PDK1: variants seen among roughly 807,000 people sequenced by gnomAD.
PDK1 encodes [Pyruvate dehydrogenase (acetyl-transferring)] kinase isozyme 1, mitochondrial.
A neutral mutation model predicts 54.2 loss-of-function variants in PDK1; 39 were observed. The ratio of observed to expected loss-of-function variants is 0.72; its 90% CI spans 0.56 to 0.94. PDK1 has a LOEUF of 0.94. PDK1 is among the 40% of genes least tolerant of loss of function. The pLI is 0.00. For missense variants in PDK1, 552 were observed against 566.0 expected, an observed-to-expected ratio of 0.98 and a Z score of 0.25; for synonymous variants, 221 against 207.1, an observed-to-expected ratio of 1.07 and a Z score of -0.58.
chr2:172,635,158 A>G, the PDK1 span, among the ~76,000 whole-genome samples: 5 of 152,236 alleles, frequency 3.3e-5, no homozygotes, highest in South Asian at 8.3e-4. Flanking sequence ...GTTTCTATAT[A>G]CTATAGAAGC....
At chr2:172,657,632 T>C in the PDK1 span, among the ~76,000 whole-genome samples, 3 of 152,060 alleles carry the variant, frequency 2.0e-5, no homozygotes, top group African/African-American at 7.2e-5. Flanking sequence ...TTAAAGGCAC[T>C]TGAACAATAG....
chr2:172,562,174 T>G lies in PDK1; in HGVS notation c.339-46T>G, dbSNP rs765702581. The G allele has an allele frequency of 6.7e-6, 7 of 1,052,502 alleles. No individual in the cohort carries two copies. The South Asian group carries it at 8.3e-5, about 12-fold the overall frequency. The allele number at this position is 1,052,502 out of a possible 1,614,324, so 65.2% of individuals were successfully genotyped here. Reference sequence around the variant, plus strand: ...GAGCTAATTTTCATGATATTGAACTTTCAGAATATAAAAGAACAAACTTAT... The same window carrying G: ...GAGCTAATTTTCATGATATTGAACTGTCAGAATATAAAAGAACAAACTTAT... On this transcript the variant is annotated intron_variant, in intron 2 of 10. Coordinates refer to ENST00000282077, the MANE Select transcript of PDK1 (RefSeq NM_002610.5).
the PDK1 span, among the ~76,000 whole-genome samples, chr2:172,690,960 C>T: frequency 0.023 from 3,408 of 149,982 alleles, 155 homozygotes; most frequent in African/African-American, 0.078. Context: ...CAAACCTGCA[C>T]GTTGTGCACA....
In PDK1 at chr2:172,558,784, G is replaced by C. The variant is rs760663658; in HGVS notation, c.273G>C (p.Met91Ile). ...QELPVRLANIMKEISLLPDNL... is the reference protein window; with the variant it reads ...QELPVRLANIIKEISLLPDNL... ...TGCCTGTCAGACTGGCAAATATAAT[G>C]AAAGAAATAAGTCTCCTTCCAGATA... Residue 91 changes from methionine (M) to isoleucine (I), a missense_variant, in exon 2 of 11, where the codon ATG becomes ATC. Met to Ile is a conservative substitution (Grantham distance 10). Coordinates refer to ENST00000282077, the MANE Select transcript of PDK1 (RefSeq NM_002610.5). The C allele has an allele frequency of 3.0e-5, 49 of 1,611,856 alleles. No homozygotes were observed. Among genetic ancestry groups the C allele is most frequent in the Admixed American group, 1.0e-4 (6 of 59,330 alleles).
the PDK1 span, among the ~76,000 whole-genome samples, chr2:172,693,477 G>A: frequency 6.6e-6 from 1 of 152,182 alleles, no homozygotes; most frequent in Non-Finnish European, 1.5e-5. Context: ...CTACTTCATA[G>A]GGTTGTTGTG....
chr2:172,620,757 G>C, the PDK1 span, among the ~76,000 whole-genome samples: 1 of 152,082 alleles, frequency 6.6e-6, no homozygotes, highest in Non-Finnish European at 1.5e-5. Context: ...TCTTGTTCTT[G>C]CTTTCACCAT....
chr2:172,666,011 G>C, the PDK1 span, among the ~76,000 whole-genome samples: 2,558 of 152,308 alleles, frequency 0.017, 33 homozygotes, highest in South Asian at 0.03. Context: ...CATATTTGAG[G>C]AGCTGGGTCA....
At chr2:172,652,118 C>A in the PDK1 span, among the ~76,000 whole-genome samples, 3 of 152,218 alleles carry the variant, frequency 2.0e-5, no homozygotes, top group African/African-American at 7.2e-5. Context: ...AGCTTATCCA[C>A]CACGACCAAG....
the PDK1 span, among the ~76,000 whole-genome samples, chr2:172,621,054 C>T: frequency 1.4e-4 from 22 of 152,246 alleles, no homozygotes; most frequent in Middle Eastern, 3.4e-3. Flanking sequence ...CCAAGGCAGA[C>T]GGATCACTTG....
the PDK1 span, among the ~76,000 whole-genome samples, chr2:172,653,360 T>C: frequency 6.6e-6 from 1 of 152,130 alleles, no homozygotes; most frequent in Non-Finnish European, 1.5e-5. Flanking sequence ...CCCAGCACTT[T>C]GGGAGGCTAA....
the PDK1 span, among the ~76,000 whole-genome samples, chr2:172,718,897 G>C: frequency 1.3e-5 from 2 of 152,060 alleles, no homozygotes; most frequent in African/African-American, 4.8e-5. Context: ...CTATGAGTTT[G>C]GACAAAAGCA....
At chr2:172,628,400 T>C in the PDK1 span, among the ~76,000 whole-genome samples, 1 of 152,226 alleles carries the variant, frequency 6.6e-6, no homozygotes, top group African/African-American at 2.4e-5. Context: ...GATAATTCTT[T>C]CTTTTCCTTT....
the PDK1 span, among the ~76,000 whole-genome samples, chr2:172,654,308 A>C: frequency 6.6e-6 from 1 of 152,224 alleles, no homozygotes; most frequent in South Asian, 2.1e-4. Context: ...TGCTATAAAG[A>C]CACATGCACA....
the PDK1 span, among the ~76,000 whole-genome samples, chr2:172,668,894 C>CACAT: frequency 6.3e-4 from 71 of 113,178 alleles, no homozygotes; most frequent in East Asian, 2.1e-3. Flanking sequence ...CACACACACA[C>CACAT]ATATATATAT....
At chr2:172,633,304 T>TTCCAAAGCAC in the PDK1 span, among the ~76,000 whole-genome samples, 1 of 151,750 alleles carries the variant, frequency 6.6e-6, no homozygotes, top group Non-Finnish European at 1.5e-5. Context: ...TGCCGTGACC[T>TTCCAAAGCAC]TCCAAAGCAC....
At position 172,597,984 on chromosome 2, in the gene PDK1, T is replaced by G. The variant is rs1690976443; in HGVS notation, c.*2015T>G. 6.6e-6 allele frequency: 1 copy of G among 152,200 alleles called. No individual in the cohort carries two copies. The highest frequency in any genetic ancestry group is 2.4e-5 in the African/African-American group (1 of 41,454). The allele number at this position is 152,200 out of a possible 1,614,324, so 9.4% of individuals were successfully genotyped here. A position where few individuals can be genotyped will look rare whatever the true frequency, so the allele number is the denominator to read the frequency against. The stretch of plus-strand genomic sequence containing the variant: ...CCAAGATCCTGATTCAGAGGAGGCA[T>G]CCTTTGCCCAGAGCTGCTTAGCTAA... On this transcript the variant is annotated 3_prime_UTR_variant, in exon 11 of 11. Transcript: ENST00000282077.
the PDK1 span, among the ~76,000 whole-genome samples, chr2:172,641,750 C>A: frequency 6.6e-6 from 1 of 152,076 alleles, no homozygotes; most frequent in African/African-American, 2.4e-5. Context: ...TGTCCCAGAT[C>A]ATTTATTTAT....
rs1218239438 is a variant in PDK1 at position 172,600,954 on chromosome 2, A to G, written c.*4985A>G. 6.6e-6 allele frequency: 1 copy of G among 152,132 alleles called. No individual in the cohort carries two copies. The highest frequency in any genetic ancestry group is 1.5e-5 in the Non-Finnish European group (1 of 68,014). 9.4% of individuals were successfully genotyped at this position (152,132 alleles called of 1,614,324 possible). ...TAGCTTCCTTATCTTAGTGCCCCTAAAGGGAAAGGAATGTGCTTATTAAGG... is the reference window on the plus strand; with the variant it reads ...TAGCTTCCTTATCTTAGTGCCCCTAGAGGGAAAGGAATGTGCTTATTAAGG... On this transcript the variant is annotated 3_prime_UTR_variant, in exon 11 of 11. Coordinates refer to ENST00000282077, the MANE Select transcript of PDK1 (RefSeq NM_002610.5).
At chr2:172,707,760 A>G in the PDK1 span, among the ~76,000 whole-genome samples, 2 of 152,228 alleles carry the variant, frequency 1.3e-5, no homozygotes, top group Non-Finnish European at 2.9e-5. Flanking sequence ...AGTCTTGAGA[A>G]TTGTGTGTTA....
Sources: allele counts gnomAD v4.1 joint callset (sites outside exome capture counted in the v4.1 genomes callset), GRCh38; gene constraint gnomAD v4.1.1; transcripts MANE v1.5; gene names NCBI Gene and HGNC (gene_info 2026-07-23, HGNC 2026-07-21).